Variants in CD55 observed in about 807,000 individuals in gnomAD.
CD55 encodes the protein complement decay-accelerating factor.
A neutral mutation model predicts 45.8 loss-of-function variants in CD55; 41 were observed. The ratio of observed to expected loss-of-function variants is 0.90; its 90% confidence interval spans 0.70 to 1.16. The LOEUF is 1.16. Ranked by LOEUF, CD55 falls within the 50% of genes most tolerant of loss-of-function variation. CD55 has a pLI of 0.00. For missense variants in CD55, 416 were observed against 469.8 expected, an observed-to-expected ratio of 0.89 and a Z score of 1.06; for synonymous variants, 181 against 181.1, an observed-to-expected ratio of 1.00 and a Z score of 0.01.
chr1:207,343,004 C>T (rs1020777496), intron 9 of CD55, among the ~76,000 whole-genome samples: 3 of 151,960 alleles, frequency 2.0e-5, no homozygotes, highest in Admixed American at 6.6e-5. Context: ...ATAATAGTCT[C>T]TGATATTTTG....
chr1:207,331,382 G>GA (rs1654939831), intron 6 of CD55, 86 bp downstream of exon 6: 4 of 1,050,406 alleles, frequency 3.8e-6, no homozygotes, highest in Non-Finnish European at 5.7e-6. Context: ...AACCCCCTAA[G>GA]AAAAAAATGT....
Position 207,359,798 on chromosome 1 carries a change from T to A in CD55, c.*188T>A. On this transcript the variant is annotated 3_prime_UTR_variant, in exon 10 of 10. Transcript: ENST00000367064. ...AAAGGCAGTCCTGGAATCACATTCT[T>A]AGCACACCTACACCTCTTGAAAATA... The A allele has an allele frequency of 1.8e-6, 1 of 553,354 alleles. No individual in the cohort carries two copies. Among genetic ancestry groups the A allele is most frequent in the Non-Finnish European group, 2.9e-6 (1 of 346,482 alleles). 34.3% of individuals were successfully genotyped at this position (553,354 alleles called of 1,614,324 possible).
chr1:207,321,859 G>T lies in CD55; in HGVS notation c.94G>T (p.Val32Leu). Residue 32 changes from valine to leucine, a missense_variant, in exon 1 of 10, where the codon GTG (valine) becomes TTG (leucine). Physicochemically the swap from Val to Leu is conservative, Grantham distance 32. This residue lies in a region of CD55 where 123 missense variants were observed against 105.1 expected (regional missense o/e 1.17). Transcript: ENST00000367064. ...LLLVLLCLPA[V>L]WGDCGLPPDV... ...GCTGGTGCTGTTGTGCCTGCCGGCC[G>T]TGTGGGGTGAGTAGGGGCCCGGCGG... 1 of 1,526,514 alleles carries T rather than the reference G, an allele frequency of 6.6e-7. No homozygotes were observed. 94.6% of individuals were successfully genotyped at this position (1,526,514 alleles called of 1,614,324 possible). A position where few individuals can be genotyped will look rare whatever the true frequency, so the allele number is the denominator to read the frequency against.
chr1:207,322,520 T>G lies in CD55; in HGVS notation c.239T>G (p.Ile80Ser). The G allele has an allele frequency of 3.7e-6, 6 of 1,614,214 alleles. No homozygotes were observed. Among genetic ancestry groups the G allele is most frequent in the Non-Finnish European group, 5.1e-6 (6 of 1,180,014 alleles). The change falls in exon 2 of 10, where the codon ATC becomes AGC. Residue 80 changes from isoleucine to serine, a missense_variant. By Grantham distance (142) the Ile-to-Ser change is moderately radical (BLOSUM62 -2). Transcript: ENST00000367064. Reference sequence around the variant, plus strand: ...ATTCCTGGCGAGAAGGACTCAGTGATCTGCCTTAAGGGCAGTCAATGGTCA... The same window carrying G: ...ATTCCTGGCGAGAAGGACTCAGTGAGCTGCCTTAAGGGCAGTCAATGGTCA... Reference protein sequence around the residue: ...VKIPGEKDSVICLKGSQWSDI... With the variant: ...VKIPGEKDSVSCLKGSQWSDI...
At chr1:207,353,643 TATA>T (rs1425970997) in intron 9 of CD55, among the ~76,000 whole-genome samples, 10 of 152,150 alleles carry the variant, frequency 6.6e-5, no homozygotes, top group African/African-American at 2.2e-4. Flanking sequence ...AGTCAGATAA[TATA>T]ATCATATAAT....
chr1:207,324,750 A>G lies in CD55; in HGVS notation c.478A>G (p.Lys160Glu). The G allele has an allele frequency of 1.3e-6, 2 of 1,591,840 alleles. No individual in the cohort carries two copies. The highest frequency in any genetic ancestry group is 1.7e-6 in the Non-Finnish European group (2 of 1,169,226). ...KWSTAVEFCK[K>E]KSCPNPGEIR... is the part of the protein sequence containing the mutation. ...GTCCACAGCAGTCGAATTTTGTAAA[A>G]GTGAGTAAAATTTTTTAAAGTATTT... Residue 160 changes from lysine to glutamate, a missense_variant and splice_region_variant, in exon 3 of 10, where the codon AAG becomes GAG. Physicochemically the swap from Lys to Glu is moderately conservative, Grantham distance 56 (BLOSUM62 1). Coordinates refer to ENST00000367064, the MANE Select transcript of CD55 (RefSeq NM_000574.5).
chr1:207,334,949 G>A (rs1025688148), intron 6 of CD55, among the ~76,000 whole-genome samples: 2 of 152,014 alleles, frequency 1.3e-5, no homozygotes, highest in African/African-American at 4.8e-5. Flanking sequence ...CAAGAACACA[G>A]AATAGTTGAA....
intron 9 of CD55, among the ~76,000 whole-genome samples, chr1:207,346,799 A>G (rs970696686): frequency 5.3e-5 from 8 of 152,164 alleles, no homozygotes; most frequent in Non-Finnish European, 1.0e-4. Flanking sequence ...TCAGTGGTTT[A>G]TAGTACTCAG....
At chr1:207,352,414 A>G (rs1558158351) in intron 9 of CD55, among the ~76,000 whole-genome samples, 1 of 152,066 alleles carries the variant, frequency 6.6e-6, no homozygotes, top group Non-Finnish European at 1.5e-5. Flanking sequence ...AACTTTCATC[A>G]GGTATCACCC....
At chr1:207,357,078 CTTAAA>C (rs1297525294) in intron 9 of CD55, among the ~76,000 whole-genome samples, 1 of 152,078 alleles carries the variant, frequency 6.6e-6, no homozygotes, top group Non-Finnish European at 1.5e-5. Context: ...AATTTTTCTA[CTTAAA>C]TTAAGAATAT....
chr1:207,338,117 A>C (rs550516784), intron 8 of CD55, among the ~76,000 whole-genome samples: 1 of 152,284 alleles, frequency 6.6e-6, no homozygotes, highest in South Asian at 2.1e-4. Flanking sequence ...ACATTTCCCC[A>C]GCCCATTTTT....
chr1:207,329,062 G>A (rs1572874880), intron 5 of CD55, among the ~76,000 whole-genome samples: 1 of 152,200 alleles, frequency 6.6e-6, no homozygotes, highest in South Asian at 2.1e-4. Flanking sequence ...TTAGAGGTGA[G>A]TATATCAGCA....
At chr1:207,344,632 T>A (rs1377845757) in intron 9 of CD55, among the ~76,000 whole-genome samples, 1 of 152,204 alleles carries the variant, frequency 6.6e-6, no homozygotes, top group Non-Finnish European at 1.5e-5. Flanking sequence ...AGTGACTAGA[T>A]GCTTTTCCCT....
At chr1:207,322,076 G>T (rs1485213017) in intron 1 of CD55, among the ~76,000 whole-genome samples, 2 of 152,208 alleles carry the variant, frequency 1.3e-5, no homozygotes, top group Non-Finnish European at 2.9e-5. Flanking sequence ...GGCTTTAGGG[G>T]TCGGCGTGGA....
rs1284623448 is a variant in CD55 at position 207,360,948 on chromosome 1, A to C, written c.*1338A>C. 6.6e-6 allele frequency: 1 copy of C among 152,180 alleles called. No homozygotes were observed. The allele number at this position is 152,180 out of a possible 1,614,324, so 9.4% of individuals were successfully genotyped here. ...CTTTAATGTGTATTTCTTAAAATAA[A>C]ACTTTTTTTCCTCCTTAACCACAGT... is the stretch of plus-strand genomic sequence containing the variant. On this transcript the variant is annotated 3_prime_UTR_variant, in exon 10 of 10. Transcript: ENST00000367064.
chr1:207,325,728 T>C lies in CD55; in HGVS notation c.578+7T>C, dbSNP rs1654651921. 6.6e-7 allele frequency: 1 copy of C among 1,525,384 alleles called. No individual in the cohort carries two copies. The highest frequency in any genetic ancestry group is 9.1e-7 in the Non-Finnish European group (1 of 1,100,866). 94.5% of individuals were successfully genotyped at this position (1,525,384 alleles called of 1,614,324 possible). ...CCTTCTCATGTAACACAGGGTAAGT[T>C]TGGGCATACTAAAACCCTGTATTTA... is the stretch of plus-strand genomic sequence containing the variant. On this transcript the variant is annotated splice_region_variant and intron_variant, in intron 4 of 9. Coordinates refer to ENST00000367064, the MANE Select transcript of CD55 (RefSeq NM_000574.5).
At chr1:207,353,076 C>T (rs1307426938) in intron 9 of CD55, among the ~76,000 whole-genome samples, 1 of 63,506 alleles carries the variant, frequency 1.6e-5, no homozygotes, top group African/African-American at 6.5e-5. Context: ...GGATGGGGGA[C>T]AGGGTCTCAC....
chr1:207,329,986 G>A (rs1013567951), intron 5 of CD55, among the ~76,000 whole-genome samples: 1 of 152,056 alleles, frequency 6.6e-6, no homozygotes, highest in Non-Finnish European at 1.5e-5. Context: ...TCCCAGGCTG[G>A]CTACTTCGGG....
intron 1 of CD55, 99 bp downstream of exon 1, chr1:207,321,964 G>T (rs1399843657): frequency 1.5e-5 from 13 of 848,488 alleles, no homozygotes; most frequent in Middle Eastern, 3.6e-4. Context: ...TGGCAGGTGG[G>T]GAGCTTGGCC....
Sources: gnomAD v4.1 joint callset for allele counts (sites outside exome capture counted in the v4.1 genomes callset) on GRCh38, gnomAD v4.1.1 for gene constraint, gnomAD v4.1.1 regional missense constraint, MANE v1.5 for transcripts, NCBI Gene and HGNC (gene_info 2026-07-23, HGNC 2026-07-21) for gene names.